The following MYSM1 variants were observed in gnomAD, a reference collection of about 807,000 sequenced individuals.
MYSM1 encodes Myb like, SWIRM and MPN domains 1.
In MYSM1, 51 loss-of-function variants were observed where a neutral mutation model predicts 116.0. The observed-to-expected ratio is 0.44, with a 90% CI of 0.35 to 0.56. The LOEUF is 0.56. Among genes scored for constraint, MYSM1 ranks in the 20% least tolerant of loss-of-function variants. The pLI is 0.00. For missense variants in MYSM1, 900 were observed against 974.9 expected (o/e 0.92, Z 1.02); for synonymous variants, 313 against 315.2 (o/e 0.99, Z 0.07).
At chr1:58,665,296 CA>C (rs1451347922) in intron 17 of MYSM1, among the ~76,000 whole-genome samples, 1 of 152,196 alleles carries the variant, frequency 6.6e-6, no homozygotes, top group East Asian at 1.9e-4. Context: ...GCCATGGTAA[CA>C]AAAGTGGGGA....
chr1:58,691,314 T>C (rs1452399567), intron 3 of MYSM1, among the ~76,000 whole-genome samples: 3 of 151,812 alleles, frequency 2.0e-5, no homozygotes, highest in African/African-American at 7.3e-5. Flanking sequence ...ACTAGCCTGA[T>C]GAAGTACTTT....
chr1:58,672,026 T>C (rs960419273), intron 11 of MYSM1, 68 bp from the exon 12 acceptor site: 9 of 1,271,186 alleles, frequency 7.1e-6, no homozygotes, highest in Non-Finnish European at 1.0e-5. Context: ...AATAGTCCTT[T>C]AAAATCAAAT....
chr1:58,694,776 C>A (rs1383824650), intron 2 of MYSM1, among the ~76,000 whole-genome samples: 1 of 152,034 alleles, frequency 6.6e-6, no homozygotes, highest in Non-Finnish European at 1.5e-5. Flanking sequence ...TCAAGGAATT[C>A]TCCTGCCTTG....
At position 58,665,619 on chromosome 1, in the gene MYSM1, T is replaced by C; in HGVS notation, c.2044A>G (p.Arg682Gly). 6.4e-7 allele frequency: 1 copy of C among 1,555,514 alleles called. No individual in the cohort carries two copies. The highest frequency in any genetic ancestry group is 8.8e-7 in the Non-Finnish European group (1 of 1,133,730). Residue 682 changes from arginine (R) to glycine (G), a missense_variant, in exon 17 of 20, where the codon AGA (arginine) becomes GGA (glycine). Coordinates refer to ENST00000472487, the MANE Select transcript of MYSM1 (RefSeq NM_001085487.3). Reference protein sequence around the residue: ...TQAKYQSYFSRGGAKFIGMIV... With the variant: ...TQAKYQSYFSGGGAKFIGMIV... ...ATCCCAATGAACTTTGCACCTCCTC[T>C]GGAGAAGTAACTCTACAATGACAAG... is the stretch of plus-strand genomic sequence containing the variant.
At position 58,656,931 on chromosome 1, in the gene MYSM1, A is replaced by G. The variant is rs1644326395; in HGVS notation, c.*3066T>C. 6.6e-6 allele frequency: 1 copy of G among 152,212 alleles called. No individual in the cohort carries two copies. The highest frequency in any genetic ancestry group is 1.5e-5 in the Non-Finnish European group (1 of 68,034). 9.4% of individuals were successfully genotyped at this position (152,212 alleles called of 1,614,324 possible). ...TTTCATACAGATACAATTGTAAAATATCACTTTTAATTTTGTATGGAAGAA... is the reference window on the plus strand; with the variant it reads ...TTTCATACAGATACAATTGTAAAATGTCACTTTTAATTTTGTATGGAAGAA... On this transcript the variant is annotated 3_prime_UTR_variant, in exon 20 of 20. Transcript: ENST00000472487.
intron 2 of MYSM1, among the ~76,000 whole-genome samples, chr1:58,693,880 C>G (rs940091219): frequency 1.3e-5 from 2 of 152,060 alleles, no homozygotes; most frequent in African/African-American, 4.8e-5. Flanking sequence ...AAATGTAAAC[C>G]CTTTAGCATA....
At chr1:58,692,299 T>C (rs1644915783) in intron 3 of MYSM1, 1 of 152,240 alleles carries the variant, frequency 6.6e-6, no homozygotes, top group African/African-American at 2.4e-5. Context: ...TGACTAGCTA[T>C]CTTTATAAAT....
At chr1:58,698,364 T>C (rs1645013960) in intron 1 of MYSM1, among the ~76,000 whole-genome samples, 1 of 151,458 alleles carries the variant, frequency 6.6e-6, no homozygotes, top group Admixed American at 6.6e-5. Context: ...TCTCCCAAAG[T>C]GCTGGGATTA....
In MYSM1 at chr1:58,655,659, T is replaced by C. The variant is rs1416958202; in HGVS notation, c.*4338A>G. 1 of 152,150 alleles carries C rather than the reference T, an allele frequency of 6.6e-6. No homozygotes were observed. Among genetic ancestry groups the C allele is most frequent in the Non-Finnish European group, 1.5e-5 (1 of 68,000 alleles). The allele number at this position is 152,150 out of a possible 1,614,324, so 9.4% of individuals were successfully genotyped here. On this transcript the variant is annotated 3_prime_UTR_variant, in exon 20 of 20. Transcript: ENST00000472487. ...AGCCATTTAAGAAAAGGTCAGGAAATATATCCTAAAGTATATTACATTATT... is the reference window on the plus strand; with the variant it reads ...AGCCATTTAAGAAAAGGTCAGGAAACATATCCTAAAGTATATTACATTATT...
rs115684273 is a variant in MYSM1 at position 58,695,233 on chromosome 1, A to G, written c.69-26T>C. On this transcript the variant is annotated intron_variant, in intron 1 of 19. Coordinates refer to ENST00000472487, the MANE Select transcript of MYSM1 (RefSeq NM_001085487.3). Reference sequence around the variant, plus strand: ...CTGTAATAATTAAGAAAATGAGTATATAAGTGAAAATCATATTAGTTAATG... The same window carrying G: ...CTGTAATAATTAAGAAAATGAGTATGTAAGTGAAAATCATATTAGTTAATG... 11,069 of 1,401,684 alleles carry G rather than the reference A, an allele frequency of 7.9e-3. 67 individuals carry two copies. The highest frequency in any genetic ancestry group is 9.8e-3 in the Non-Finnish European group (9,704 of 990,650). 86.8% of individuals were successfully genotyped at this position (1,401,684 alleles called of 1,614,324 possible).
At chr1:58,699,592 G>A (rs1645032813) in intron 1 of MYSM1, 3 of 977,984 alleles carry the variant, frequency 3.1e-6, no homozygotes, top group African/African-American at 1.8e-5. Context: ...AGGTCACACG[G>A]CTAGCAAGCC....
At chr1:58,667,745 GT>G in intron 15 of MYSM1, 101 bp downstream of exon 15, 1 of 729,148 alleles carries the variant, frequency 1.4e-6, no homozygotes, top group East Asian at 2.7e-5. Flanking sequence ...TATATCATAG[GT>G]AAAGTCTGTA....
At chr1:58,695,069 G>T in intron 2 of MYSM1, 60 bp downstream of exon 2, 9 of 893,814 alleles carry the variant, frequency 1.0e-5, no homozygotes, top group Admixed American at 2.3e-5. Flanking sequence ...AAAAAAAGAA[G>T]AAGCACTCTA....
At chr1:58,672,367 T>C (rs1644576343) in intron 11 of MYSM1, among the ~76,000 whole-genome samples, 1 of 152,152 alleles carries the variant, frequency 6.6e-6, no homozygotes, top group Admixed American at 6.5e-5. Flanking sequence ...GGCCCAGTTA[T>C]TTACTAGCTT....
chr1:58,664,930 C>A (rs544632035), intron 17 of MYSM1, among the ~76,000 whole-genome samples: 4 of 152,318 alleles, frequency 2.6e-5, no homozygotes, highest in African/African-American at 7.2e-5. Flanking sequence ...TTTTCCTAGT[C>A]TGCTATACTA....
chr1:58,694,991 T>C (rs1257376494), intron 2 of MYSM1, 138 bp downstream of exon 2: 1 of 426,690 alleles, frequency 2.3e-6, no homozygotes. Flanking sequence ...TAAAAAAAAA[T>C]TCTAAATTTC....
At chr1:58,691,359 AT>A (rs1644904148) in intron 3 of MYSM1, among the ~76,000 whole-genome samples, 1 of 152,150 alleles carries the variant, frequency 6.6e-6, no homozygotes, top group Non-Finnish European at 1.5e-5. Flanking sequence ...CTTAACAAGT[AT>A]TTATTGGCTA....
chr1:58,685,963 T>C (rs987415881), intron 6 of MYSM1, among the ~76,000 whole-genome samples: 3 of 152,248 alleles, frequency 2.0e-5, no homozygotes, highest in Non-Finnish European at 4.4e-5. Flanking sequence ...GGTCTCACTC[T>C]GTTACCCAGG....
intron 12 of MYSM1, among the ~76,000 whole-genome samples, chr1:58,670,787 T>C (rs1252267467): frequency 6.6e-6 from 1 of 152,166 alleles, no homozygotes; most frequent in Non-Finnish European, 1.5e-5. Context: ...CAGTGAGTAA[T>C]GGCAGGAAAG....
Sources: allele counts gnomAD v4.1 joint callset (sites outside exome capture counted in the v4.1 genomes callset), GRCh38; gene constraint gnomAD v4.1.1; transcripts MANE v1.5; gene names NCBI Gene and HGNC (gene_info 2026-07-23, HGNC 2026-07-21).